HIKESHI: variants seen among roughly 807,000 people sequenced by gnomAD.
The protein encoded by HIKESHI is protein Hikeshi.
HIKESHI carries 13 observed loss-of-function variants against 25.7 expected under a neutral mutation model. The observed-to-expected ratio is 0.51, with a 90% CI of 0.33 to 0.80. The LOEUF is 0.80. Ranked by LOEUF, HIKESHI falls within the 30% of genes least tolerant of loss-of-function variation. HIKESHI has a pLI of 0.02. For synonymous variants in HIKESHI, 76 were observed against 78.7 expected, an observed-to-expected ratio of 0.97 and a Z score of 0.18; for missense variants, 174 against 229.5, an observed-to-expected ratio of 0.76 and a Z score of 1.56.
intron 2 of HIKESHI, among the ~76,000 whole-genome samples, chr11:86,333,412 G>A (rs6592283): frequency 0.62 from 94,042 of 151,724 alleles, 29,334 homozygotes; most frequent in East Asian, 0.79. Context: ...GCACAGGCCT[G>A]TAATCCCAGC....
chr11:86,319,953 A>G (rs1187927212), intron 2 of HIKESHI, among the ~76,000 whole-genome samples: 1 of 151,920 alleles, frequency 6.6e-6, no homozygotes, highest in Non-Finnish European at 1.5e-5. Flanking sequence ...CATTTTTTTT[A>G]ATATCTGTAA....
intron 2 of HIKESHI, among the ~76,000 whole-genome samples, chr11:86,319,876 T>G (rs1333502604): frequency 6.6e-6 from 1 of 152,154 alleles, no homozygotes; most frequent in Non-Finnish European, 1.5e-5. Context: ...TGTGTGAAAC[T>G]TAGCAGCCAT....
At chr11:86,309,340 C>T (rs953682296) in intron 2 of HIKESHI, among the ~76,000 whole-genome samples, 4 of 152,062 alleles carry the variant, frequency 2.6e-5, no homozygotes, top group African/African-American at 4.8e-5. Flanking sequence ...CATTTTTTCA[C>T]GTGTCTGTTG....
chr11:86,304,715 C>T (rs1805567701), intron 1 of HIKESHI, among the ~76,000 whole-genome samples: 1 of 152,122 alleles, frequency 6.6e-6, no homozygotes, highest in Non-Finnish European at 1.5e-5. Context: ...TACGTTTCGC[C>T]ATGTTGGCCA....
chr11:86,322,350 G>A (rs980374950), intron 2 of HIKESHI, among the ~76,000 whole-genome samples: 2 of 151,744 alleles, frequency 1.3e-5, no homozygotes, highest in Non-Finnish European at 2.9e-5. Flanking sequence ...TATCCAAATC[G>A]TTTACATGTT....
chr11:86,342,447 CTGTCCTGATATGTAAAGATATAAAGA>C (rs1430640382), intron 3 of HIKESHI, among the ~76,000 whole-genome samples: 6 of 151,550 alleles, frequency 4.0e-5, no homozygotes, highest in Non-Finnish European at 8.8e-5. Context: ...AAATCCTTCT[CTGTCCTGATATGTAAAGATATAAAGA>C]TGTTCGTGTG....
chr11:86,344,447 C>A (rs1947816474), intron 3 of HIKESHI, 156 bp from the exon 4 acceptor site: 1 of 475,842 alleles, frequency 2.1e-6, no homozygotes, highest in Non-Finnish European at 3.7e-6. Context: ...GGATTACAGG[C>A]ATGAGCCACC....
In HIKESHI at chr11:86,307,010, AAAAT is replaced by A. The variant is rs1369917477; in HGVS notation, c.268+530_268+533del. 7.8e-4 allele frequency among the ~76,000 whole-genome samples: 111 copies of A among 141,994 alleles called. 5 individuals carry two copies. The highest frequency in any genetic ancestry group is 1.3e-3 in the African/African-American group (51 of 39,680). 93.2% of individuals were successfully genotyped at this position (141,994 alleles called of 152,430 possible). A position where few individuals can be genotyped will look rare whatever the true frequency, so the allele number is the denominator to read the frequency against. On this transcript the variant is annotated intron_variant, in intron 2 of 4. Coordinates refer to ENST00000278483, the MANE Select transcript of HIKESHI (RefSeq NM_016401.4). Reference sequence around the variant, plus strand: ...GCGAGACTCTGTCTCAAAGAAAAAAAAAATATATATATATATATAAATATATATA... The same window carrying A: ...GCGAGACTCTGTCTCAAAGAAAAAAAATATATATATATATAAATATATATA...
At chr11:86,323,266 T>A (rs920895133) in intron 2 of HIKESHI, among the ~76,000 whole-genome samples, 1 of 152,098 alleles carries the variant, frequency 6.6e-6, no homozygotes, top group Non-Finnish European at 1.5e-5. Flanking sequence ...TATGAGTATT[T>A]ATGTATTGAT....
chr11:86,304,111 T>A (rs1166634112), intron 1 of HIKESHI, among the ~76,000 whole-genome samples: 1 of 152,202 alleles, frequency 6.6e-6, no homozygotes, highest in Admixed American at 6.6e-5. Context: ...TCAGAATACT[T>A]CTGAAGAGGG....
intron 3 of HIKESHI, among the ~76,000 whole-genome samples, chr11:86,342,723 A>ATT (rs57183083): frequency 0.61 from 91,146 of 148,784 alleles, 27,799 homozygotes; most frequent in East Asian, 0.76. Context: ...AATTTGTCCC[A>ATT]TTTTTTTTTT....
chr11:86,306,383 T>G lies in HIKESHI; in HGVS notation c.169T>G (p.Ser57Ala). The change falls in exon 2 of 5, where the codon TCT becomes GCT. Residue 57 changes from serine (S) to alanine (A), a missense_variant. Ser to Ala is a moderately conservative substitution (Grantham distance 99). Transcript: ENST00000278483. The part of the protein sequence containing the change: ...PEGMGGSVYF[S>A]YPDSNGMPVW... ...GGGAATGGGAGGATCTGTCTACTTT[T>G]CTTATCCTGATTCAAATGGAATGCC... 1 of 1,614,070 alleles carries G rather than the reference T, an allele frequency of 6.2e-7. No homozygotes were observed. Among genetic ancestry groups the G allele is most frequent in the Non-Finnish European group, 8.5e-7 (1 of 1,179,890 alleles).
chr11:86,323,038 G>C (rs764631101), intron 2 of HIKESHI, among the ~76,000 whole-genome samples: 19 of 152,008 alleles, frequency 1.2e-4, no homozygotes, highest in Non-Finnish European at 1.9e-4. Flanking sequence ...AGACCAGCCT[G>C]GGCAACGTAG....
chr11:86,339,009 T>TA (rs1315189788), intron 3 of HIKESHI, among the ~76,000 whole-genome samples: 2 of 152,180 alleles, frequency 1.3e-5, no homozygotes, highest in African/African-American at 4.8e-5. Flanking sequence ...CACAAATAGT[T>TA]ATTATGTAAC....
chr11:86,345,839 C>T lies in HIKESHI; in HGVS notation c.*201C>T. 2.9e-6 allele frequency: 1 copy of T among 347,638 alleles called. No individual in the cohort carries two copies. Among genetic ancestry groups the T allele is most frequent in the Non-Finnish European group, 5.1e-6 (1 of 195,116 alleles). 21.5% of individuals were successfully genotyped at this position (347,638 alleles called of 1,614,324 possible). On this transcript the variant is annotated 3_prime_UTR_variant, in exon 5 of 5. Transcript: ENST00000278483. The stretch of plus-strand genomic sequence containing the variant: ...TGTTCATCATTAAAGACTTTTTTCC[C>T]CTTAAGCTTAAAATACCATTCAAAG...
Position 86,302,300 on chromosome 11 carries a change from T to G in HIKESHI, c.-149T>G. 1.1e-6 allele frequency: 1 copy of G among 923,080 alleles called. No homozygotes were observed. The highest frequency in any genetic ancestry group is 1.7e-6 in the Non-Finnish European group (1 of 592,180). 57.2% of individuals were successfully genotyped at this position (923,080 alleles called of 1,614,324 possible). A position where few individuals can be genotyped will look rare whatever the true frequency, so the allele number is the denominator to read the frequency against. On this transcript the variant is annotated 5_prime_UTR_variant, in exon 1 of 5. The change creates a new upstream start codon in the 5' untranslated region. Coordinates refer to ENST00000278483, the MANE Select transcript of HIKESHI (RefSeq NM_016401.4). ...TCAGAGTTCGCGGGGGCAGAGGCAT[T>G]CTTGCCGCTGGCCCAGTCACTATGT...
intron 4 of HIKESHI, chr11:86,345,288 T>A (rs80189718): frequency 2.6e-6 from 1 of 382,516 alleles, no homozygotes. Flanking sequence ...GAGTTGAATT[T>A]GATTTTTTTC....
chr11:86,315,703 T>C (rs1311720969), intron 2 of HIKESHI, among the ~76,000 whole-genome samples: 1 of 89,556 alleles, frequency 1.1e-5, no homozygotes, highest in African/African-American at 4.6e-5. Context: ...GCGAAAGAAC[T>C]ACTTACCGGA....
At chr11:86,343,302 C>G (rs1947783183) in intron 3 of HIKESHI, among the ~76,000 whole-genome samples, 1 of 103,550 alleles carries the variant, frequency 9.7e-6, no homozygotes, top group South Asian at 4.0e-4. Flanking sequence ...TGGAGGACTG[C>G]TGTTGATTTT....
Sources: allele counts gnomAD v4.1 joint callset (sites outside exome capture counted in the v4.1 genomes callset), GRCh38; gene constraint gnomAD v4.1.1; transcripts MANE v1.5; gene names NCBI Gene and HGNC (gene_info 2026-07-23, HGNC 2026-07-21).